The following BICDL1 variants were observed in gnomAD, a reference collection of about 807,000 sequenced individuals.
BICDL1 encodes BICD family like cargo adaptor 1, also known as BICD family-like cargo adapter 1.
In BICDL1, 20 loss-of-function variants were observed where a neutral mutation model predicts 76.8. That is an observed-to-expected ratio of 0.26 (90% confidence interval 0.18 to 0.38). The LOEUF is 0.38. BICDL1 is among the 10% of genes least tolerant of loss of function. BICDL1 has a pLI of 1.00. For synonymous variants in BICDL1, 383 were observed against 337.1 expected (o/e 1.14, Z -1.49); for missense variants, 700 against 798.6 (o/e 0.88, Z 1.49).
intron 9 of BICDL1, chr12:120,092,387 G>C: frequency 2.0e-6 from 2 of 985,496 alleles, no homozygotes; most frequent in Non-Finnish European, 2.4e-6. Flanking sequence ...CCTGAAGACC[G>C]TGAGGCCCCT....
chr12:119,996,388 G>A (rs1951646156), intron 1 of BICDL1, among the ~76,000 whole-genome samples: 1 of 152,164 alleles, frequency 6.6e-6, no homozygotes, highest in Non-Finnish European at 1.5e-5. Context: ...GCAGGATGAA[G>A]GAGGCTAATC....
rs1028630279 is a variant in BICDL1 at position 120,079,757 on chromosome 12, C to G, written c.1453-1130C>G. Among the ~76,000 whole-genome samples the G allele has an allele frequency of 2.6e-5, 4 of 152,140 alleles. No individual in the cohort carries two copies. Among genetic ancestry groups the G allele is most frequent in the Non-Finnish European group, 5.9e-5 (4 of 68,034 alleles). ...GAATCAACAGGAAAGTGGGAGAACC[C>G]GGTTCCAAAACAAGAAAGGGCCATG... On this transcript the variant is annotated intron_variant, in intron 7 of 9. Coordinates refer to ENST00000548673, the MANE Select transcript of BICDL1 (RefSeq NM_001367886.1). This position sits in a 1 kb window ranked among gnomAD's most constrained non-coding sequence, Gnocchi z 4.3.
intron 2 of BICDL1, among the ~76,000 whole-genome samples, chr12:120,031,758 C>T (rs1952428492): frequency 6.6e-6 from 1 of 152,072 alleles, no homozygotes. Context: ...CTGTGTAATT[C>T]GAAAAGGCCA....
chr12:119,995,157 A>G (rs1951614306), intron 1 of BICDL1, among the ~76,000 whole-genome samples: 1 of 152,242 alleles, frequency 6.6e-6, no homozygotes, highest in Non-Finnish European at 1.5e-5. Flanking sequence ...AGGAGAGCAT[A>G]AGCAGAACTT....
chr12:120,064,618 C>T (rs1953180135), intron 3 of BICDL1, 115 bp from the exon 4 acceptor site: 3 of 1,028,354 alleles, frequency 2.9e-6, no homozygotes, highest in Middle Eastern at 3.3e-4. Context: ...GGTACCGTGA[C>T]ATTGGGCAGA....
intron 2 of BICDL1, among the ~76,000 whole-genome samples, chr12:120,024,678 A>C (rs12302961): frequency 1.1e-3 from 162 of 151,804 alleles, no homozygotes; most frequent in Non-Finnish European, 1.7e-3. Context: ...ATTTATTTAA[A>C]TCCTCTTTCT....
At chr12:119,998,886 C>T in intron 2 of BICDL1, 150 bp downstream of exon 2, 1 of 707,738 alleles carries the variant, frequency 1.4e-6, no homozygotes, top group South Asian at 2.0e-5. Flanking sequence ...GAGACCTCAT[C>T]TCTACAAAAG....
In BICDL1 at chr12:119,989,381, C is replaced by T; in HGVS notation, c.-488C>T. 6.6e-6 allele frequency among the ~76,000 whole-genome samples: 1 copy of T among 150,890 alleles called. No homozygotes were observed. Among genetic ancestry groups the T allele is most frequent in the African/African-American group, 2.4e-5 (1 of 41,306 alleles). ...GAGTGCGGCTGCAGAGAGCGGCCGC[C>T]GGCAACAGCAGCAGCAGCAGGAAGC... On this transcript the variant is annotated 5_prime_UTR_variant, in exon 1 of 10. Transcript: ENST00000548673.
rs1160651172 is a variant in BICDL1, at chr12:120,090,779, C to T, written c.1704+708C>T. On this transcript the variant is annotated intron_variant, in intron 9 of 9. Transcript: ENST00000548673. Reference sequence around the variant, plus strand: ...TTGTTGGTGACCATTCCTCCCAGGGCCCCATGGGGCTGGCAGCCAGAACAC... The same window carrying T: ...TTGTTGGTGACCATTCCTCCCAGGGTCCCATGGGGCTGGCAGCCAGAACAC... 4 of 756,012 alleles carry T rather than the reference C, an allele frequency of 5.3e-6. No homozygotes were observed. In the African/African-American group the frequency reaches 7.3e-5, roughly 14 times the overall value. The allele number at this position is 756,012 out of a possible 1,614,324, so 46.8% of individuals were successfully genotyped here.
intron 4 of BICDL1, 130 bp downstream of exon 4, chr12:120,065,009 T>C: frequency 9.7e-7 from 1 of 1,034,424 alleles, no homozygotes; most frequent in South Asian, 1.6e-5. Flanking sequence ...GAGGTCTCGC[T>C]GTGGGGCCTG....
chr12:120,068,318 C>T (rs1450870651), intron 4 of BICDL1, among the ~76,000 whole-genome samples: 9 of 152,200 alleles, frequency 5.9e-5, no homozygotes, highest in South Asian at 2.1e-4. Flanking sequence ...AGTTCTCCCC[C>T]ACACCACCAC....
intron 1 of BICDL1, among the ~76,000 whole-genome samples, chr12:119,996,647 T>G (rs1951651925): frequency 6.6e-6 from 1 of 151,282 alleles, no homozygotes; most frequent in South Asian, 2.1e-4. Flanking sequence ...GTGTCAGAAT[T>G]TCCTGTAGAA....
At position 120,076,184 on chromosome 12, in the gene BICDL1, G is replaced by A. The variant is rs115452153; in HGVS notation, c.1452+1598G>A. On this transcript the variant is annotated intron_variant, in intron 7 of 9. Coordinates refer to ENST00000548673, the MANE Select transcript of BICDL1 (RefSeq NM_001367886.1). ...AAAAAGTTGTAGCTTGCTCACAGCC[G>A]AACGCTAGAGACTTGGGTTAGGCAG... is the stretch of plus-strand genomic sequence containing the variant. Among the ~76,000 whole-genome samples the A allele has an allele frequency of 6.1e-3, 930 of 152,244 alleles. 8 individuals carry two copies. The highest frequency in any genetic ancestry group is 0.021 in the African/African-American group (885 of 41,530).
intron 2 of BICDL1, among the ~76,000 whole-genome samples, chr12:120,025,384 G>T (rs1952277583): frequency 6.6e-6 from 1 of 152,112 alleles, no homozygotes; most frequent in African/African-American, 2.4e-5. Context: ...GAACTGGAGG[G>T]ACAGTGTAGG....
At chr12:120,092,258 G>A (rs1330028323) in intron 9 of BICDL1, 8 of 985,354 alleles carry the variant, frequency 8.1e-6, no homozygotes, top group Non-Finnish European at 9.6e-6. Flanking sequence ...AAAACATGGT[G>A]GGGCGGGCTG....
At chr12:120,010,822 A>C (rs1380592015) in intron 2 of BICDL1, among the ~76,000 whole-genome samples, 1 of 152,196 alleles carries the variant, frequency 6.6e-6, no homozygotes, top group East Asian at 1.9e-4. Flanking sequence ...GGGGAAGTTA[A>C]GTGATTTGCT....
chr12:120,079,698 C>T lies in BICDL1; in HGVS notation c.1453-1189C>T, dbSNP rs1873822344. On this transcript the variant is annotated intron_variant, in intron 7 of 9. Coordinates refer to ENST00000548673, the MANE Select transcript of BICDL1 (RefSeq NM_001367886.1). The surrounding 1 kb of genome is among the most constrained non-coding windows in gnomAD (Gnocchi z 4.3). ...AAACATGTACTCTGCTTAATGTAAG[C>T]AGAAAGAGAATGTATGAGACCTGAA... Among the ~76,000 whole-genome samples, 1 of 152,096 alleles carries T rather than the reference C, an allele frequency of 6.6e-6. No homozygotes were observed.
intron 4 of BICDL1, among the ~76,000 whole-genome samples, chr12:120,068,843 C>G (rs1872865971): frequency 6.6e-6 from 1 of 152,044 alleles, no homozygotes; most frequent in African/African-American, 2.4e-5. Context: ...TTGGGTCATC[C>G]CCTTATATTC....
At position 120,074,408 on chromosome 12, in the gene BICDL1, C is replaced by T. The variant is rs531533905; in HGVS notation, c.1309-35C>T. On this transcript the variant is annotated intron_variant, in intron 6 of 9. Coordinates refer to ENST00000548673, the MANE Select transcript of BICDL1 (RefSeq NM_001367886.1). Reference sequence around the variant, plus strand: ...CTTCCCTATCTCTCCTGTACCCTTACCATATCTGTCTGGCTGTCTTTCTTT... The same window carrying T: ...CTTCCCTATCTCTCCTGTACCCTTATCATATCTGTCTGGCTGTCTTTCTTT... 7.9e-6 allele frequency: 9 copies of T among 1,137,414 alleles called. No homozygotes were observed. The South Asian group carries it at 1.4e-4, about 18-fold the overall frequency. 70.5% of individuals were successfully genotyped at this position (1,137,414 alleles called of 1,614,324 possible). A position where few individuals can be genotyped will look rare whatever the true frequency, so the allele number is the denominator to read the frequency against.
Sources: gnomAD v4.1 joint callset for allele counts (sites outside exome capture counted in the v4.1 genomes callset) on GRCh38, gnomAD v4.1.1 for gene constraint, Gnocchi (gnomAD v3.1) non-coding constraint, MANE v1.5 for transcripts, NCBI Gene and HGNC (gene_info 2026-07-23, HGNC 2026-07-21) for gene names.